The following KYAT1 variants were observed in gnomAD, a reference collection of about 807,000 sequenced individuals.
KYAT1 encodes kynurenine aminotransferase 1.
In KYAT1, 47 loss-of-function variants were observed where a neutral mutation model predicts 52.4. The observed-to-expected ratio is 0.90, with a 90% confidence interval of 0.71 to 1.14. KYAT1 has a LOEUF of 1.14. Among genes scored for constraint, KYAT1 ranks in the 50% most tolerant of loss-of-function variants. The pLI is 0.00. For missense variants in KYAT1, 480 were observed against 557.9 expected, an observed-to-expected ratio of 0.86 and a Z score of 1.41; for synonymous variants, 212 against 209.6, an observed-to-expected ratio of 1.01 and a Z score of -0.10.
intron 1 of KYAT1, among the ~76,000 whole-genome samples, chr9:128,872,261 G>A (rs1330207868): frequency 1.3e-5 from 2 of 151,234 alleles, no homozygotes; most frequent in Admixed American, 6.6e-5. Context: ...TGGCTAACAC[G>A]GTGAAACCCT....
At chr9:128,834,186 G>A (rs1830594473) in intron 11 of KYAT1, among the ~76,000 whole-genome samples, 1 of 152,086 alleles carries the variant, frequency 6.6e-6, no homozygotes, top group South Asian at 2.1e-4. Flanking sequence ...TGAACCCGGG[G>A]GTGGAGGTTG....
intron 3 of KYAT1, among the ~76,000 whole-genome samples, chr9:128,841,329 C>T (rs1417269905): frequency 2.0e-5 from 3 of 152,052 alleles, no homozygotes; most frequent in Non-Finnish European, 2.9e-5. Context: ...ATGGTGAAAC[C>T]CCGTCTCTAC....
intron 7 of KYAT1, 89 bp from the exon 8 acceptor site, chr9:128,836,162 G>A (rs1331439321): frequency 1.8e-6 from 2 of 1,090,080 alleles, no homozygotes; most frequent in Non-Finnish European, 2.7e-6. Context: ...ACACGCATAG[G>A]CTTTTGACAC....
At chr9:128,859,795 C>T (rs561600688) in intron 1 of KYAT1, among the ~76,000 whole-genome samples, 2 of 151,996 alleles carry the variant, frequency 1.3e-5, no homozygotes, top group African/African-American at 4.8e-5. Flanking sequence ...ACTACAGGTG[C>T]CCGCCATCAC....
intron 1 of KYAT1, among the ~76,000 whole-genome samples, chr9:128,851,188 T>C (rs973535210): frequency 6.6e-6 from 1 of 152,164 alleles, no homozygotes; most frequent in African/African-American, 2.4e-5. Flanking sequence ...CAGTCTCTCA[T>C]CCCACCTGAC....
chr9:128,834,806 TA>T (rs1830710109), intron 11 of KYAT1, among the ~76,000 whole-genome samples: 1 of 121,504 alleles, frequency 8.2e-6, no homozygotes. Context: ...CACTCCCACC[TA>T]GGCGACAGAG....
chr9:128,843,144 A>G (rs1329023924), intron 2 of KYAT1, among the ~76,000 whole-genome samples: 2 of 152,170 alleles, frequency 1.3e-5, no homozygotes, highest in Non-Finnish European at 2.9e-5. Context: ...TGCAGCCTGG[A>G]TAACAAGAGT....
chr9:128,851,959 G>C (rs1472456414), intron 1 of KYAT1, among the ~76,000 whole-genome samples: 18 of 152,138 alleles, frequency 1.2e-4, no homozygotes, highest in Admixed American at 1.2e-3. Context: ...CCTGAAACTA[G>C]GCACACTGCG....
intron 1 of KYAT1, among the ~76,000 whole-genome samples, chr9:128,871,920 G>C (rs572205227): frequency 1.6e-4 from 24 of 151,460 alleles, no homozygotes; most frequent in Non-Finnish European, 3.1e-4. Flanking sequence ...GAGGTCAAGA[G>C]ATCAAGACCA....
At chr9:128,861,462 T>C (rs776254602) in intron 1 of KYAT1, among the ~76,000 whole-genome samples, 5 of 152,198 alleles carry the variant, frequency 3.3e-5, no homozygotes, top group Non-Finnish European at 5.9e-5. Flanking sequence ...TCCCCAGCCA[T>C]GAGGAACTGT....
intron 3 of KYAT1, among the ~76,000 whole-genome samples, chr9:128,839,042 C>T (rs766041156): frequency 6.6e-6 from 1 of 151,982 alleles, no homozygotes; most frequent in East Asian, 1.9e-4. Flanking sequence ...CGGCTCCCTG[C>T]AACCTCCGCC....
At position 128,850,612 on chromosome 9, in the gene KYAT1, A is replaced by G. The variant is rs888866950; in HGVS notation, c.-6-5201T>C. ...GGTTTCTCCCCATGTGATAGTCTGA[A>G]ATATGGCCTCGTGGGATGAGAAAGA... On this transcript the variant is annotated intron_variant, in intron 1 of 12. Coordinates refer to ENST00000302586, the MANE Select transcript of KYAT1 (RefSeq NM_004059.5). Among the ~76,000 whole-genome samples, 6 of 152,158 alleles carry G rather than the reference A, an allele frequency of 3.9e-5. No individual in the cohort carries two copies. In the South Asian group the frequency reaches 1.0e-3, roughly 26 times the overall value.
intron 1 of KYAT1, among the ~76,000 whole-genome samples, chr9:128,852,390 C>T (rs1012508364): frequency 2.6e-5 from 4 of 152,096 alleles, no homozygotes; most frequent in Non-Finnish European, 5.9e-5. Context: ...CTATACCAGC[C>T]GTAAATAATA....
intron 1 of KYAT1, among the ~76,000 whole-genome samples, chr9:128,869,432 A>G (rs1211553037): frequency 6.6e-6 from 1 of 152,232 alleles, no homozygotes; most frequent in East Asian, 1.9e-4. Flanking sequence ...AAGTGCTGGG[A>G]TTACTGGCGT....
Position 128,835,394 on chromosome 9 carries a change from T to A in KYAT1, c.1051A>T (p.Met351Leu), listed in dbSNP as rs1478645455. The part of the protein sequence containing the change: ...ITDISDFKRK[M>L]PDLPGAVDEP... ...TCCACAGCTCCAGGCAAGTCAGGCA[T>A]CTTCCTCTCTGGGAGACAGAGGCCA... The change falls in exon 11 of 13, where the codon ATG becomes TTG. Residue 351 changes from methionine to leucine, a missense_variant. Transcript: ENST00000302586. 1 of 1,614,064 alleles carries A rather than the reference T, an allele frequency of 6.2e-7. No individual in the cohort carries two copies. Among genetic ancestry groups the A allele is most frequent in the Non-Finnish European group, 8.5e-7 (1 of 1,180,016 alleles).
chr9:128,835,259 G>A, intron 11 of KYAT1, 64 bp downstream of exon 11: 2 of 1,384,962 alleles, frequency 1.4e-6, no homozygotes, highest in South Asian at 1.2e-5. Context: ...TCTTGCCTGG[G>A]CACCCTTGAG....
intron 9 of KYAT1, 49 bp downstream of exon 9, chr9:128,835,730 G>C (rs1830949289): frequency 1.2e-6 from 2 of 1,604,122 alleles, no homozygotes; most frequent in African/African-American, 2.7e-5. Flanking sequence ...GCCAGCCTGG[G>C]CTCTTTTGTT....
chr9:128,868,661 T>C (rs1836761880), intron 1 of KYAT1, among the ~76,000 whole-genome samples: 1 of 151,806 alleles, frequency 6.6e-6, no homozygotes, highest in Non-Finnish European at 1.5e-5. Context: ...CTCAATTTCC[T>C]GAGTAGCTGG....
intron 6 of KYAT1, 53 bp from the exon 7 acceptor site, chr9:128,836,975 C>T (rs1405878544): frequency 1.3e-6 from 2 of 1,588,486 alleles, no homozygotes; most frequent in Non-Finnish European, 1.7e-6. Flanking sequence ...TCCCCAAACA[C>T]AGAGGCCTAC....
Sources: gnomAD v4.1 joint callset for allele counts (sites outside exome capture counted in the v4.1 genomes callset) on GRCh38, gnomAD v4.1.1 for gene constraint, MANE v1.5 for transcripts, NCBI Gene and HGNC (gene_info 2026-07-23, HGNC 2026-07-21) for gene names.